Variants in RSU1 observed in about 807,000 individuals in gnomAD.
RSU1 encodes the protein rsu-1.
RSU1 carries 26 observed loss-of-function variants against 31.1 expected under a neutral mutation model. That is an observed-to-expected ratio of 0.84 (90% confidence interval 0.61 to 1.16). The LOEUF is 1.16. RSU1 is among the 50% of genes most tolerant of loss of function. The pLI, the probability that RSU1 is intolerant of heterozygous loss-of-function variation, is 0.00. For synonymous variants in RSU1, 164 were observed against 136.3 expected (o/e 1.20, Z -1.41); for missense variants, 320 against 339.1 (o/e 0.94, Z 0.44).
At chr10:16,720,564 T>C (rs1411695476) in intron 7 of RSU1, among the ~76,000 whole-genome samples, 2 of 152,244 alleles carry the variant, frequency 1.3e-5, no homozygotes, top group South Asian at 2.1e-4. Flanking sequence ...CTTAAATTCT[T>C]GTTCAACATT....
At chr10:16,615,600 G>A (rs991335443) in intron 8 of RSU1, among the ~76,000 whole-genome samples, 2 of 152,058 alleles carry the variant, frequency 1.3e-5, no homozygotes, top group Admixed American at 1.3e-4. Context: ...AATGCCACAG[G>A]GCACTTATTC....
intron 3 of RSU1, among the ~76,000 whole-genome samples, chr10:16,777,476 G>T (rs879430963): frequency 6.6e-6 from 1 of 152,130 alleles, no homozygotes; most frequent in Non-Finnish European, 1.5e-5. Context: ...CCTTAAATGT[G>T]GTAAAAACTG....
intron 7 of RSU1, among the ~76,000 whole-genome samples, chr10:16,747,785 T>G (rs1157088881): frequency 6.6e-6 from 1 of 152,194 alleles, no homozygotes; most frequent in Non-Finnish European, 1.5e-5. Context: ...GTAATCCCAG[T>G]GCTTCAGGAG....
chr10:16,623,161 T>C (rs1338769361), intron 8 of RSU1, among the ~76,000 whole-genome samples: 1 of 152,184 alleles, frequency 6.6e-6, no homozygotes, highest in Non-Finnish European at 1.5e-5. Context: ...AGTTTTTCAA[T>C]AGTTTTTCAA....
intron 8 of RSU1, among the ~76,000 whole-genome samples, chr10:16,657,781 C>T (rs1588698453): frequency 6.6e-6 from 1 of 151,860 alleles, no homozygotes; most frequent in South Asian, 2.1e-4. Flanking sequence ...TCACTTGAGG[C>T]CAGGAATTCG....
At chr10:16,605,210 G>A (rs80335598) in intron 8 of RSU1, among the ~76,000 whole-genome samples, 11,361 of 152,162 alleles carry the variant, frequency 0.075, 1,154 homozygotes, top group African/African-American at 0.23. Flanking sequence ...TACTGCAAAT[G>A]TGAGTTCCCG....
intron 2 of RSU1, among the ~76,000 whole-genome samples, chr10:16,811,831 C>G (rs1243347486): frequency 6.6e-6 from 1 of 152,192 alleles, no homozygotes; most frequent in Non-Finnish European, 1.5e-5. Context: ...CAACCTGAAT[C>G]TCTTAACTAA....
At chr10:16,709,492 G>C (rs112272994) in intron 7 of RSU1, among the ~76,000 whole-genome samples, 1,772 of 152,182 alleles carry the variant, frequency 0.012, 32 homozygotes, top group African/African-American at 0.041. Flanking sequence ...ATGATTTATA[G>C]TCCTTTGGGT....
chr10:16,603,704 G>A (rs755450009), intron 8 of RSU1, among the ~76,000 whole-genome samples: 1 of 152,152 alleles, frequency 6.6e-6, no homozygotes, highest in Non-Finnish European at 1.5e-5. Flanking sequence ...TCAGTCCAAG[G>A]GCAATGGTAA....
In RSU1 at chr10:16,816,782, G is replaced by A. The variant is rs536970922; in HGVS notation, c.109+191C>T. ...GTGTGATTCTCATCGTGGACTCTCA[G>A]GATCGTTTTCCAGGTGGAACAGAAC... On this transcript the variant is annotated intron_variant, in intron 2 of 8. Coordinates refer to ENST00000345264, the MANE Select transcript of RSU1 (RefSeq NM_012425.4). Among the ~76,000 whole-genome samples, 39 of 152,326 alleles carry A rather than the reference G, an allele frequency of 2.6e-4. 1 individual carries two copies. The highest frequency in any genetic ancestry group is 1.9e-3 in the East Asian group (10 of 5,184).
intron 7 of RSU1, among the ~76,000 whole-genome samples, chr10:16,742,043 T>C (rs1297036814): frequency 6.6e-6 from 1 of 152,056 alleles, no homozygotes; most frequent in Non-Finnish European, 1.5e-5. Flanking sequence ...ATGGATTCAA[T>C]AGGGGCTGTC....
At position 16,764,455 on chromosome 10, in the gene RSU1, A is replaced by G. The variant is rs1452549092; in HGVS notation, c.216T>C (p.Asn72=). The G allele has an allele frequency of 6.2e-7, 1 of 1,613,922 alleles. No individual in the cohort carries two copies. The highest frequency in any genetic ancestry group is 8.5e-7 in the Non-Finnish European group (1 of 1,180,012). The change falls in exon 4 of 9, where the codon AAT becomes AAC. Residue 72 remains asparagine (N), a synonymous_variant. Transcript: ENST00000345264. Reference sequence around the variant, plus strand: ...GTGTGGGCAGCTCCTCGATTTGGTTATTAAAAAAGTTGAGCACCTCCAAAT... The same window carrying G: ...GTGTGGGCAGCTCCTCGATTTGGTTGTTAAAAAAGTTGAGCACCTCCAAAT... ...LKNLEVLNFF[N]NQIEELPTQI...
chr10:16,757,066 GGTAT>G (rs1837106233), intron 4 of RSU1, among the ~76,000 whole-genome samples: 1 of 142,102 alleles, frequency 7.0e-6, no homozygotes, highest in Non-Finnish European at 1.5e-5. Context: ...GTTTGTACAC[GGTAT>G]GTGTGTGTGC....
intron 2 of RSU1, among the ~76,000 whole-genome samples, chr10:16,785,663 C>T (rs960428891): frequency 6.6e-6 from 1 of 151,872 alleles, no homozygotes; most frequent in East Asian, 1.9e-4. Context: ...TTCCACATGA[C>T]GTTTGGTGGG....
chr10:16,669,379 C>T (rs1030727678), intron 8 of RSU1, among the ~76,000 whole-genome samples: 2 of 151,824 alleles, frequency 1.3e-5, no homozygotes, highest in African/African-American at 2.4e-5. Flanking sequence ...TTTTTCCCCC[C>T]CCAAAGCACC....
intron 2 of RSU1, among the ~76,000 whole-genome samples, chr10:16,807,123 AC>A (rs1838289232): frequency 6.6e-6 from 1 of 152,158 alleles, no homozygotes; most frequent in Admixed American, 6.6e-5. Flanking sequence ...AGTTACATAG[AC>A]CACCATTCAA....
intron 2 of RSU1, among the ~76,000 whole-genome samples, chr10:16,795,332 C>A (rs920232031): frequency 4.0e-5 from 5 of 124,096 alleles, no homozygotes; most frequent in African/African-American, 1.6e-4. Context: ...CAAGCCTGGG[C>A]GACAGAGTGA....
intron 8 of RSU1, among the ~76,000 whole-genome samples, chr10:16,678,095 C>G (rs1327902216): frequency 6.6e-6 from 1 of 152,192 alleles, no homozygotes; most frequent in African/African-American, 2.4e-5. Flanking sequence ...TTATTTCAAA[C>G]CCTCATGCCC....
chr10:16,814,420 C>G (rs1332424074), intron 2 of RSU1, among the ~76,000 whole-genome samples: 1 of 143,460 alleles, frequency 7.0e-6, no homozygotes, highest in East Asian at 2.0e-4. Flanking sequence ...TGCATTCCAG[C>G]CTGGGTGACA....
Sources: gnomAD v4.1 joint callset for allele counts (sites outside exome capture counted in the v4.1 genomes callset) on GRCh38, gnomAD v4.1.1 for gene constraint, MANE v1.5 for transcripts, NCBI Gene and HGNC (gene_info 2026-07-23, HGNC 2026-07-21) for gene names.